PDE8A: variants seen among roughly 807,000 people sequenced by gnomAD.
The protein encoded by PDE8A is phosphodiesterase 8A.
A neutral mutation model predicts 105.0 loss-of-function variants in PDE8A; 59 were observed. That is an observed-to-expected ratio of 0.56 (90% confidence interval 0.46 to 0.70). The LOEUF (loss-of-function observed/expected upper bound fraction) is 0.70, where lower values mean the gene tolerates loss of function less well. Ranked by LOEUF, PDE8A falls within the 30% of genes least tolerant of loss-of-function variation. The pLI is 0.00. For synonymous variants in PDE8A, 355 were observed against 371.9 expected (o/e 0.95, Z 0.52); for missense variants, 1,014 against 1,045.9 (o/e 0.97, Z 0.42).
chr15:85,036,875 C>T lies in PDE8A; in HGVS notation c.187-27495C>T, dbSNP rs757424211. Among the ~76,000 whole-genome samples, 111 of 152,116 alleles carry T rather than the reference C, an allele frequency of 7.3e-4. 1 individual carries two copies. The highest frequency in any genetic ancestry group is 6.0e-4 in the African/African-American group (25 of 41,410). On this transcript the variant is annotated intron_variant, in intron 1 of 21. Transcript: ENST00000394553. ...TTCTAACAGCACTGGTCAGGGACTT[C>T]TCTGACCCTTTCCTGTCCTCCCTGC...
chr15:84,993,386 T>C (rs1306475513), intron 1 of PDE8A, among the ~76,000 whole-genome samples: 3 of 134,478 alleles, frequency 2.2e-5, no homozygotes, highest in South Asian at 2.2e-4. Context: ...GAGTTTGTAG[T>C]GAGCCGAAAT....
intron 19 of PDE8A, among the ~76,000 whole-genome samples, chr15:85,123,995 C>G (rs1293977137): frequency 6.6e-6 from 1 of 152,136 alleles, no homozygotes; most frequent in African/African-American, 2.4e-5. Context: ...TCTTTCTAGC[C>G]ACTCCCACTG....
At chr15:85,011,908 A>G (rs2080245748) in intron 1 of PDE8A, among the ~76,000 whole-genome samples, 1 of 152,268 alleles carries the variant, frequency 6.6e-6, no homozygotes, top group South Asian at 2.1e-4. Flanking sequence ...GACACTTCTC[A>G]AATTAAGACA....
intron 1 of PDE8A, among the ~76,000 whole-genome samples, chr15:85,019,830 T>C (rs944985412): frequency 3.9e-5 from 6 of 152,102 alleles, no homozygotes; most frequent in Non-Finnish European, 7.4e-5. Context: ...TCTGCCCACC[T>C]TGGCCTCACA....
intron 1 of PDE8A, among the ~76,000 whole-genome samples, chr15:84,999,551 T>TTG (rs1567221569): frequency 4.6e-5 from 7 of 150,830 alleles, no homozygotes; most frequent in Admixed American, 6.6e-5. Context: ...GCCTCCCTTT[T>TTG]TTGTTGTTGT....
chr15:85,021,454 G>A (rs1472784211), intron 1 of PDE8A, among the ~76,000 whole-genome samples: 1 of 151,918 alleles, frequency 6.6e-6, no homozygotes, highest in African/African-American at 2.4e-5. Flanking sequence ...GGTGGTGGTA[G>A]TGCAGAGGTG....
At chr15:85,105,593 T>C (rs1256686841) in intron 11 of PDE8A, among the ~76,000 whole-genome samples, 1 of 152,178 alleles carries the variant, frequency 6.6e-6, no homozygotes, top group Admixed American at 6.5e-5. Context: ...TTCCTGGATT[T>C]ACCCAGCAGG....
intron 8 of PDE8A, among the ~76,000 whole-genome samples, chr15:85,097,554 CT>C (rs1279936942): frequency 2.0e-5 from 3 of 152,344 alleles, no homozygotes; most frequent in Admixed American, 2.0e-4. Flanking sequence ...ATAATGGTCC[CT>C]TCTGGCCCCC....
Position 85,098,040 on chromosome 15 carries a change from A to G in PDE8A, c.941+4A>G. 1 of 1,524,150 alleles carries G rather than the reference A, an allele frequency of 6.6e-7. No individual in the cohort carries two copies. The highest frequency in any genetic ancestry group is 9.1e-7 in the Non-Finnish European group (1 of 1,099,316). 94.4% of individuals were successfully genotyped at this position (1,524,150 alleles called of 1,614,324 possible). The stretch of plus-strand genomic sequence containing the variant: ...TACCTGTCATTGGACAGGGAGGGTA[A>G]GTGGAAAAAACAAGTACATCAATCA... On this transcript the variant is annotated splice_donor_region_variant and intron_variant, in intron 9 of 21. Transcript: ENST00000394553.
At chr15:85,086,449 T>C in intron 6 of PDE8A, among the ~76,000 whole-genome samples, 1 of 152,198 alleles carries the variant, frequency 6.6e-6, no homozygotes, top group South Asian at 2.1e-4. Context: ...TAGGTTAATA[T>C]CCTCATAAAT....
At chr15:85,015,407 A>T (rs59463135) in intron 1 of PDE8A, among the ~76,000 whole-genome samples, 187 of 152,146 alleles carry the variant, frequency 1.2e-3, no homozygotes, top group African/African-American at 4.3e-3. Flanking sequence ...GAGTCTCACT[A>T]TGGTGCCCAG....
intron 2 of PDE8A, among the ~76,000 whole-genome samples, chr15:85,066,798 G>A (rs1204277780): frequency 1.3e-5 from 2 of 152,052 alleles, no homozygotes; most frequent in Admixed American, 6.5e-5. Context: ...AATTAGCTGG[G>A]CATGGTGGCA....
In PDE8A at chr15:85,000,335, G is replaced by T. The variant is rs760545853; in HGVS notation, c.186+17987G>T. On this transcript the variant is annotated intron_variant, in intron 1 of 21. Transcript: ENST00000394553. ...ACTGATAATGGAAAAATAAACAGGG[G>T]TGCACTGGTTTTCTGGCCTGTAAAC... Among the ~76,000 whole-genome samples, 6 of 152,126 alleles carry T rather than the reference G, an allele frequency of 3.9e-5. No individual in the cohort carries two copies. In the South Asian group the frequency reaches 1.2e-3, roughly 32 times the overall value.
chr15:85,025,710 G>T (rs995099746), intron 1 of PDE8A, among the ~76,000 whole-genome samples: 1 of 152,194 alleles, frequency 6.6e-6, no homozygotes, highest in African/African-American at 2.4e-5. Flanking sequence ...GTGGATAGAG[G>T]TACATAGGCC....
At chr15:85,057,750 A>T (rs1313889319) in intron 1 of PDE8A, among the ~76,000 whole-genome samples, 2 of 152,140 alleles carry the variant, frequency 1.3e-5, no homozygotes, top group African/African-American at 2.4e-5. Flanking sequence ...TCATGAAAGG[A>T]TATTGAATTT....
chr15:85,035,197 CTTTTTTTTTT>C (rs35548176), intron 1 of PDE8A, among the ~76,000 whole-genome samples: 1 of 57,766 alleles, frequency 1.7e-5, no homozygotes, highest in Non-Finnish European at 3.0e-5. Context: ...TGGGTATTTC[CTTTTTTTTTT>C]TTTTTTTTTT....
chr15:85,016,710 A>G (rs1454796721), intron 1 of PDE8A, among the ~76,000 whole-genome samples: 1 of 152,028 alleles, frequency 6.6e-6, no homozygotes, highest in Non-Finnish European at 1.5e-5. Context: ...TTTTCTTTTT[A>G]TTGAGGTTGT....
chr15:85,028,003 C>T (rs759272746), intron 1 of PDE8A, among the ~76,000 whole-genome samples: 6 of 152,152 alleles, frequency 3.9e-5, no homozygotes, highest in African/African-American at 9.7e-5. Context: ...AGTATTTGAA[C>T]GCTTAACGTT....
intron 4 of PDE8A, among the ~76,000 whole-genome samples, chr15:85,076,242 A>G (rs1259984048): frequency 1.3e-5 from 2 of 152,116 alleles, no homozygotes; most frequent in Non-Finnish European, 2.9e-5. Flanking sequence ...CTGAGGGGGG[A>G]ATCTTAGGTT....
Sources: allele counts gnomAD v4.1 joint callset (sites outside exome capture counted in the v4.1 genomes callset), GRCh38; gene constraint gnomAD v4.1.1; transcripts MANE v1.5; gene names NCBI Gene and HGNC (gene_info 2026-07-23, HGNC 2026-07-21).